The following ENTPD4 variants were observed in gnomAD, a reference collection of about 807,000 sequenced individuals.
ENTPD4 encodes the protein Golgi UDPase.
Under a neutral mutation model 79.1 loss-of-function variants are expected in ENTPD4, and 60 were observed. The ratio of observed to expected loss-of-function variants is 0.76; its 90% CI spans 0.62 to 0.94. The LOEUF is 0.94. Among genes scored for constraint, ENTPD4 ranks in the 40% least tolerant of loss-of-function variants. ENTPD4 has a pLI of 0.00. For missense variants in ENTPD4, 772 were observed against 775.1 expected (o/e 1.00, Z 0.05); for synonymous variants, 276 against 292.0 (o/e 0.95, Z 0.56).
In ENTPD4 at chr8:23,431,102, C is replaced by T; in HGVS notation, c.*1824G>A. ...TCCAGAGACGCAGGTTAAGCTGCAC[C>T]TGAGGCAGTTTGAGCCACAACTGGG... is the stretch of plus-strand genomic sequence containing the variant. On this transcript the variant is annotated 3_prime_UTR_variant, in exon 13 of 13. Coordinates refer to ENST00000358689, the MANE Select transcript of ENTPD4 (RefSeq NM_004901.5). The T allele has an allele frequency of 1.8e-6, 1 of 559,598 alleles. No homozygotes were observed. The highest frequency in any genetic ancestry group is 2.3e-6 in the Non-Finnish European group (1 of 441,328). The allele number at this position is 559,598 out of a possible 1,614,324, so 34.7% of individuals were successfully genotyped here.
chr8:23,434,154 G>A lies in ENTPD4; in HGVS notation c.1622+163C>T. 4.9e-6 allele frequency: 4 copies of A among 813,288 alleles called. No homozygotes were observed. In the Admixed American group the frequency reaches 1.0e-4, roughly 20 times the overall value. The allele number at this position is 813,288 out of a possible 1,614,324, so 50.4% of individuals were successfully genotyped here. ...GGGTGAGAAGGGAGGAAGCACTTGTGGGGAGGGGGCAAGACCAAAAGCAAA... is the reference window on the plus strand; with the variant it reads ...GGGTGAGAAGGGAGGAAGCACTTGTAGGGAGGGGGCAAGACCAAAAGCAAA... On this transcript the variant is annotated intron_variant, in intron 12 of 12. Transcript: ENST00000358689.
In ENTPD4 at chr8:23,443,841, T is replaced by C. The variant is rs776586684; in HGVS notation, c.667+9A>G. On this transcript the variant is annotated intron_variant, in intron 6 of 12. Transcript: ENST00000358689. ...TCCCAAATTTTAAACTGAAGACCAA[T>C]ATACCAACCTTCTTGTTTCCCAGAA... is the stretch of plus-strand genomic sequence containing the variant. The C allele has an allele frequency of 3.8e-6, 6 of 1,582,300 alleles. No individual in the cohort carries two copies. The Admixed American group carries it at 6.7e-5, about 18-fold the overall frequency.
chr8:23,434,424 CG>C lies in ENTPD4; in HGVS notation c.1514del (p.Ser505CysfsTer9). Reference sequence around the variant, plus strand: ...TTAAGCTTTTATAGTTGACAGGAAACGAAAAGCCCCTATGAAACACCTCAAA... The same window carrying C: ...TTAAGCTTTTATAGTTGACAGGAAACAAAAGCCCCTATGAAACACCTCAAA... The part of the protein sequence containing the change: ...WMFEVFHRGF[S>X]FPVNYKSLKT... On this transcript the variant is annotated frameshift_variant, in exon 12 of 13. Transcript: ENST00000358689. LOFTEE classifies it high-confidence loss of function. The C allele has an allele frequency of 6.2e-7, 1 of 1,614,048 alleles. No individual in the cohort carries two copies. Among genetic ancestry groups the C allele is most frequent in the East Asian group, 2.2e-5 (1 of 44,874 alleles).
chr8:23,437,129 G>A lies in ENTPD4; in HGVS notation c.1179C>T (p.Asp393=). 1.2e-6 allele frequency: 2 copies of A among 1,614,200 alleles called. No individual in the cohort carries two copies. The highest frequency in any genetic ancestry group is 1.7e-6 in the Non-Finnish European group (2 of 1,180,028). ...TIYLRGTGDF[D]LCRETIQPFM... ...AAGGCTGGATAGTCTCTCGACACAG[G>A]TCAAAGTCTCCAGTCCCTCGTAGGT... The change falls in exon 10 of 13, where the codon GAC becomes GAT. Residue 393 remains aspartate, a synonymous_variant. Coordinates refer to ENST00000358689, the MANE Select transcript of ENTPD4 (RefSeq NM_004901.5).
intron 12 of ENTPD4, among the ~76,000 whole-genome samples, chr8:23,433,659 C>T (rs1394340400): frequency 6.6e-6 from 1 of 152,200 alleles, no homozygotes; most frequent in Non-Finnish European, 1.5e-5. Flanking sequence ...TCTACCCAAG[C>T]GCTGACTGAG....
At chr8:23,449,840 GT>G in intron 2 of ENTPD4, 52 bp downstream of exon 2, 1 of 1,490,132 alleles carries the variant, frequency 6.7e-7, no homozygotes, top group Non-Finnish European at 9.4e-7. Flanking sequence ...CTCAAGACCT[GT>G]TTTTGCATCA....
Position 23,434,444 on chromosome 8 carries a change from C to T in ENTPD4, c.1495G>A (p.Val499Met), listed in dbSNP as rs1264089228. The T allele has an allele frequency of 6.2e-7, 1 of 1,614,042 alleles. No individual in the cohort carries two copies. The highest frequency in any genetic ancestry group is 1.7e-5 in the Admixed American group (1 of 59,992). The change falls in exon 12 of 13, where the codon GTG (valine) becomes ATG (methionine). Residue 499 changes from valine (V) to methionine (M), a missense_variant. Val to Met is a conservative substitution (Grantham distance 21, BLOSUM62 1). Coordinates refer to ENST00000358689, the MANE Select transcript of ENTPD4 (RefSeq NM_004901.5). Reference sequence around the variant, plus strand: ...GGAAACGAAAAGCCCCTATGAAACACCTCAAACATCCAGGCCGATTTGAAG... The same window carrying T: ...GGAAACGAAAAGCCCCTATGAAACATCTCAAACATCCAGGCCGATTTGAAG... ...QCFKSAWMFE[V>M]FHRGFSFPVN...
chr8:23,452,180 G>A (rs929918490), intron 1 of ENTPD4, among the ~76,000 whole-genome samples: 2 of 152,140 alleles, frequency 1.3e-5, no homozygotes, highest in African/African-American at 2.4e-5. Context: ...TCTCTTTTTT[G>A]TCTCTTCCCC....
intron 9 of ENTPD4, among the ~76,000 whole-genome samples, chr8:23,439,205 G>T (rs1173842193): frequency 2.0e-5 from 3 of 151,988 alleles, no homozygotes; most frequent in Non-Finnish European, 2.9e-5. Context: ...ATTTTTTAAA[G>T]CTTCATTGCT....
rs770338186 is a variant in ENTPD4, at chr8:23,433,061, C to G, written c.1716G>C (p.Leu572=). 1 of 1,614,140 alleles carries G rather than the reference C, an allele frequency of 6.2e-7. No homozygotes were observed. Among genetic ancestry groups the G allele is most frequent in the Non-Finnish European group, 8.5e-7 (1 of 1,180,036 alleles). The change falls in exon 13 of 13, where the codon CTG becomes CTC. Residue 572 remains leucine (L), a synonymous_variant. Coordinates refer to ENST00000358689, the MANE Select transcript of ENTPD4 (RefSeq NM_004901.5). The part of the protein sequence containing the change: ...YNHYLFSGCF[L]VVLLAILLYL... The stretch of plus-strand genomic sequence containing the variant: ...ACAGCAGGATGGCCAGCAGCACCAC[C>G]AGGAAGCAGCCAGAGAACAGGTAGT...
chr8:23,442,110 C>T, intron 6 of ENTPD4, 44 bp from the exon 7 acceptor site: 4 of 1,465,736 alleles, frequency 2.7e-6, no homozygotes, highest in Non-Finnish European at 3.8e-6. Flanking sequence ...AGTTTTAAAA[C>T]ATTTTGTGTA....
chr8:23,445,923 T>C (rs1038947636), intron 4 of ENTPD4, among the ~76,000 whole-genome samples: 3 of 152,178 alleles, frequency 2.0e-5, no homozygotes, highest in African/African-American at 7.2e-5. Flanking sequence ...AGTCTAAAAA[T>C]ACCTTATTTC....
intron 4 of ENTPD4, among the ~76,000 whole-genome samples, chr8:23,446,472 T>C (rs892320320): frequency 1.3e-5 from 2 of 152,206 alleles, no homozygotes; most frequent in African/African-American, 2.4e-5. Flanking sequence ...GGGGTAGAAA[T>C]ACATAAAACT....
chr8:23,451,556 A>C (rs1261458127), intron 1 of ENTPD4, among the ~76,000 whole-genome samples: 2 of 152,144 alleles, frequency 1.3e-5, no homozygotes, highest in African/African-American at 4.8e-5. Flanking sequence ...CAGGACCCCG[A>C]TCAGATTACT....
In ENTPD4 at chr8:23,449,974, G is replaced by T; in HGVS notation, c.-74C>A. On this transcript the variant is annotated 5_prime_UTR_variant, in exon 2 of 13. Coordinates refer to ENST00000358689, the MANE Select transcript of ENTPD4 (RefSeq NM_004901.5). ...CAAACAATTATAGAAATAATGCTGG[G>T]GTCCTCACGGAGTTAGAGCCCTCCT... 6.2e-7 allele frequency: 1 copy of T among 1,604,670 alleles called. No individual in the cohort carries two copies.
Position 23,448,784 on chromosome 8 carries a change from C to T in ENTPD4, c.164G>A (p.Arg55Gln), listed in dbSNP as rs200307530. 1.1e-5 allele frequency: 17 copies of T among 1,614,038 alleles called. No individual in the cohort carries two copies. The highest frequency in any genetic ancestry group is 3.3e-5 in the Admixed American group (2 of 60,022). ...TCTGGTTAGTCGCCCATACTTATTT[C>T]GGATTATGACAACAGAAAAATATAA... Reference protein sequence around the residue: ...SLLYFSVVIIRNKYGRLTRDK... With the variant: ...SLLYFSVVIIQNKYGRLTRDK... Residue 55 changes from arginine (R) to glutamine (Q), a missense_variant, in exon 3 of 13, where the codon CGA (arginine) becomes CAA (glutamine). Arg to Gln is a conservative substitution (Grantham distance 43). Transcript: ENST00000358689.
intron 1 of ENTPD4, among the ~76,000 whole-genome samples, chr8:23,457,351 G>A (rs1425535692): frequency 6.6e-6 from 1 of 152,200 alleles, no homozygotes; most frequent in East Asian, 1.9e-4. Flanking sequence ...GCTCACAGGG[G>A]TTGGTCCCGG....
intron 8 of ENTPD4, 51 bp from the exon 9 acceptor site, chr8:23,439,966 C>T: frequency 6.6e-7 from 1 of 1,522,918 alleles, no homozygotes; most frequent in South Asian, 1.2e-5. Context: ...CTTTAGCCTC[C>T]TACTAAAAAG....
chr8:23,433,358 G>A lies in ENTPD4; in HGVS notation c.1623-204C>T, dbSNP rs145911665. Reference sequence around the variant, plus strand: ...ACATGTGAAAGTATACTCTGAAGTCGGTCATTATAATTTGGGCAACCAAAA... The same window carrying A: ...ACATGTGAAAGTATACTCTGAAGTCAGTCATTATAATTTGGGCAACCAAAA... On this transcript the variant is annotated intron_variant, in intron 12 of 12. Transcript: ENST00000358689. Among the ~76,000 whole-genome samples the A allele has an allele frequency of 1.7e-3, 262 of 152,276 alleles. 2 individuals are homozygous for A. Among genetic ancestry groups the A allele is most frequent in the Middle Eastern group, 3.4e-3 (1 of 294 alleles).
Sources: allele counts gnomAD v4.1 joint callset (sites outside exome capture counted in the v4.1 genomes callset), GRCh38; gene constraint gnomAD v4.1.1; transcripts MANE v1.5; gene names NCBI Gene and HGNC (gene_info 2026-07-23, HGNC 2026-07-21).